The following FILIP1 variants were observed in gnomAD, a reference collection of about 807,000 sequenced individuals.
The protein encoded by FILIP1 is filamin-A-interacting protein 1.
In FILIP1, 61 loss-of-function variants were observed where a neutral mutation model predicts 102.1. That is an observed-to-expected ratio of 0.60 (90% CI 0.49 to 0.74). The LOEUF (loss-of-function observed/expected upper bound fraction) is 0.74. Ranked by LOEUF, FILIP1 falls within the 30% of genes least tolerant of loss-of-function variation. The probability of loss-of-function intolerance (pLI) is 0.00; values close to 1 mark genes in which losing one functional copy is unlikely to be tolerated. For synonymous variants in FILIP1, 491 were observed against 526.9 expected (o/e 0.93, Z 0.93); for missense variants, 1,314 against 1,441.2 (o/e 0.91, Z 1.43).
chr6:75,350,926 A>T (rs1189371359), intron 4 of FILIP1, among the ~76,000 whole-genome samples: 1 of 152,224 alleles, frequency 6.6e-6, no homozygotes, highest in Non-Finnish European at 1.5e-5. Flanking sequence ...TTTTTACCTG[A>T]CCACATTCCA....
At chr6:75,347,017 C>G (rs1774608630) in intron 4 of FILIP1, among the ~76,000 whole-genome samples, 1 of 152,024 alleles carries the variant, frequency 6.6e-6, no homozygotes, top group African/African-American at 2.4e-5. Flanking sequence ...AAGTGAAGGT[C>G]TGTGAATTTG....
At chr6:75,437,597 C>A (rs1778068747) in intron 1 of FILIP1, among the ~76,000 whole-genome samples, 1 of 152,176 alleles carries the variant, frequency 6.6e-6, no homozygotes, top group African/African-American at 2.4e-5. Context: ...GCCACAAGTA[C>A]AGTCCAAAAA....
At chr6:75,309,563 T>G (rs1043218103) in intron 5 of FILIP1, among the ~76,000 whole-genome samples, 18 of 152,198 alleles carry the variant, frequency 1.2e-4, no homozygotes, top group Non-Finnish European at 2.9e-5. Flanking sequence ...TATTACCCCA[T>G]GTGTTCAAAC....
chr6:75,429,592 A>C lies in FILIP1; in HGVS notation c.-6-14614T>G, dbSNP rs532031355. Among the ~76,000 whole-genome samples the C allele has an allele frequency of 2.0e-5, 3 of 152,034 alleles. No individual in the cohort carries two copies. In the East Asian group the frequency reaches 5.8e-4, roughly 29 times the overall value. On this transcript the variant is annotated intron_variant, in intron 1 of 5. Transcript: ENST00000237172. ...GGAGACAGGAAGTGGATTTGGGGGC[A>C]CTCCTGAATGGTCCCTGTTGGAACC...
chr6:75,383,024 C>CAA (rs1562526956), intron 2 of FILIP1, among the ~76,000 whole-genome samples: 1 of 152,150 alleles, frequency 6.6e-6, no homozygotes, highest in Non-Finnish European at 1.5e-5. Flanking sequence ...ACAAATTAGC[C>CAA]AGTTGCCCAA....
At chr6:75,373,365 T>C (rs868301952) in intron 2 of FILIP1, among the ~76,000 whole-genome samples, 3 of 152,334 alleles carry the variant, frequency 2.0e-5, no homozygotes, top group Admixed American at 2.0e-4. Flanking sequence ...GTGGTGATAA[T>C]TGCACAACAA....
intron 1 of FILIP1, among the ~76,000 whole-genome samples, chr6:75,489,198 G>C (rs1779885027): frequency 6.6e-6 from 1 of 152,084 alleles, no homozygotes. Context: ...CCATAGAACA[G>C]TCTGTGCTGT....
chr6:75,391,079 T>C (rs1408279279), intron 2 of FILIP1, among the ~76,000 whole-genome samples: 1 of 152,108 alleles, frequency 6.6e-6, no homozygotes, highest in Admixed American at 6.6e-5. Flanking sequence ...TTCCAGCTTA[T>C]TCCCTCTAGA....
At position 75,313,885 on chromosome 6, in the gene FILIP1, G is replaced by A. The variant is rs947824883; in HGVS notation, c.1947C>T (p.Val649=). The A allele has an allele frequency of 3.1e-5, 50 of 1,613,792 alleles. No individual in the cohort carries two copies. The highest frequency in any genetic ancestry group is 3.8e-5 in the Non-Finnish European group (45 of 1,180,000). ...CTTCTGTCTTCATCAAATCCCCTTC[G>A]ACCACTTCCAATTGTTGGAGACGTT... ...LKKRLQQLEV[V]EGDLMKTEDE... Residue 649 remains valine (V), a synonymous_variant, in exon 5 of 6, where the codon GTC becomes GTT. Coordinates refer to ENST00000237172, the MANE Select transcript of FILIP1 (RefSeq NM_015687.5). The surrounding 1 kb of genome is among the most constrained non-coding windows in gnomAD (Gnocchi z 4.2).
intron 1 of FILIP1, among the ~76,000 whole-genome samples, chr6:75,487,900 A>G (rs1273869770): frequency 6.6e-6 from 1 of 152,110 alleles, no homozygotes. Flanking sequence ...AGCAACAATC[A>G]TCGTTTCCTC....
chr6:75,408,800 G>C (rs914148024), intron 2 of FILIP1, among the ~76,000 whole-genome samples: 2 of 152,088 alleles, frequency 1.3e-5, no homozygotes, highest in African/African-American at 4.8e-5. Flanking sequence ...TTCTTTGTAT[G>C]TCACCCTATT....
chr6:75,319,754 C>T (rs1267434450), intron 4 of FILIP1: 7 of 304,098 alleles, frequency 2.3e-5, no homozygotes, highest in Non-Finnish European at 4.4e-5. Context: ...TGTGTGAACC[C>T]GGGGGGCGGA....
At chr6:75,405,702 C>T (rs1327906004) in intron 2 of FILIP1, among the ~76,000 whole-genome samples, 3 of 152,084 alleles carry the variant, frequency 2.0e-5, no homozygotes, top group Admixed American at 6.5e-5. Context: ...GTGTCGTTCC[C>T]CTATTGGCTA....
chr6:75,309,105 T>C (rs1207235665), intron 5 of FILIP1, among the ~76,000 whole-genome samples: 2 of 145,818 alleles, frequency 1.4e-5, no homozygotes, highest in African/African-American at 5.1e-5. Flanking sequence ...CAACTTTGCT[T>C]GAAACTTCCT....
chr6:75,465,223 C>A (rs1360315344), intron 1 of FILIP1: 1 of 214,512 alleles, frequency 4.7e-6, no homozygotes, highest in Non-Finnish European at 9.3e-6. Flanking sequence ...GGAGATGGCA[C>A]AGTTAACTGC....
chr6:75,391,920 T>A (rs1037911967), intron 2 of FILIP1, among the ~76,000 whole-genome samples: 13 of 152,172 alleles, frequency 8.5e-5, no homozygotes, highest in Non-Finnish European at 1.8e-4. Context: ...AGGCTTCTGC[T>A]TCCAGTACTC....
intron 4 of FILIP1, among the ~76,000 whole-genome samples, chr6:75,349,033 T>C (rs752908451): frequency 2.0e-5 from 3 of 152,104 alleles, no homozygotes; most frequent in Non-Finnish European, 2.9e-5. Context: ...AGTGCTAGAG[T>C]AGTGGCCTGC....
intron 6 of FILIP1, among the ~76,000 whole-genome samples, chr6:75,301,233 A>G (rs1406896916): frequency 6.6e-6 from 1 of 152,208 alleles, no homozygotes; most frequent in Non-Finnish European, 1.5e-5. Context: ...CACAGTTTCT[A>G]TATAGATGTC....
intron 4 of FILIP1, among the ~76,000 whole-genome samples, chr6:75,332,518 C>T (rs1360672481): frequency 6.6e-6 from 1 of 152,172 alleles, no homozygotes; most frequent in Admixed American, 6.5e-5. Flanking sequence ...TCAAAGAGGC[C>T]TTCCGTATCC....
Sources: gnomAD v4.1 joint callset for allele counts (sites outside exome capture counted in the v4.1 genomes callset) on GRCh38, gnomAD v4.1.1 for gene constraint, Gnocchi (gnomAD v3.1) non-coding constraint, MANE v1.5 for transcripts, NCBI Gene and HGNC (gene_info 2026-07-23, HGNC 2026-07-21) for gene names.